FMNL2: variants seen among roughly 807,000 people sequenced by gnomAD.
FMNL2 encodes the protein formin-like protein 2.
In FMNL2, 51 loss-of-function variants were observed where a neutral mutation model predicts 130.2. The ratio of observed to expected loss-of-function variants is 0.39; its 90% CI spans 0.31 to 0.49. FMNL2 has a LOEUF of 0.49. Among genes scored for constraint, FMNL2 ranks in the 20% least tolerant of loss-of-function variants. FMNL2 has a pLI of 0.85. For synonymous variants in FMNL2, 465 were observed against 467.1 expected (o/e 1.00, Z 0.06); for missense variants, 977 against 1,316.2 (o/e 0.74, Z 3.99).
At chr2:152,626,378 A>G in intron 16 of FMNL2, 147 bp from the exon 17 acceptor site, 1 of 682,620 alleles carries the variant, frequency 1.5e-6, no homozygotes, top group Non-Finnish European at 2.5e-6. Flanking sequence ...GTACTATAAC[A>G]AAAACAAGAA....
intron 1 of FMNL2, among the ~76,000 whole-genome samples, chr2:152,480,695 A>C (rs544021912): frequency 4.2e-4 from 64 of 151,834 alleles, no homozygotes; most frequent in Non-Finnish European, 6.3e-4. Flanking sequence ...CAAACAAAAC[A>C]AAAAAAACTT....
chr2:152,572,794 G>GTT (rs539896493), intron 6 of FMNL2, among the ~76,000 whole-genome samples: 3,655 of 138,088 alleles, frequency 0.026, 312 homozygotes, highest in Admixed American at 0.18. Flanking sequence ...TTCAAAACCT[G>GTT]TTTTTTTTTT....
At chr2:152,416,680 C>T (rs1054051283) in intron 1 of FMNL2, among the ~76,000 whole-genome samples, 3 of 152,196 alleles carry the variant, frequency 2.0e-5, no homozygotes, top group African/African-American at 7.2e-5. Flanking sequence ...AGGCCAGTGG[C>T]ACTTCTGTGA....
At chr2:152,410,767 A>G (rs1039588467) in intron 1 of FMNL2, among the ~76,000 whole-genome samples, 1 of 152,194 alleles carries the variant, frequency 6.6e-6, no homozygotes, top group Non-Finnish European at 1.5e-5. Flanking sequence ...TCTGGGTAAA[A>G]AAGTGAATCC....
At chr2:152,444,446 A>G (rs1688230651) in intron 1 of FMNL2, among the ~76,000 whole-genome samples, 1 of 152,246 alleles carries the variant, frequency 6.6e-6, no homozygotes, top group African/African-American at 2.4e-5. Context: ...TAGGTGCCAC[A>G]TAGCCTTAAT....
In FMNL2 at chr2:152,338,834, C is replaced by CACACACACACACACACACAT. The variant is rs1553862425; in HGVS notation, c.117+3116_117+3135dup. On this transcript the variant is annotated intron_variant, in intron 1 of 25. Transcript: ENST00000288670. ...GGAAGGTGAGATACACACACACACA[C>CACACACACACACACACACAT]ACACACACACACACACACATATATG... Among the ~76,000 whole-genome samples, 1,171 of 150,286 alleles carry CACACACACACACACACACAT rather than the reference C, an allele frequency of 7.8e-3. 12 individuals are homozygous for CACACACACACACACACACAT. Among genetic ancestry groups the CACACACACACACACACACAT allele is most frequent in the African/African-American group, 0.026 (1,046 of 40,630 alleles).
At chr2:152,580,113 C>T (rs1237590166) in intron 8 of FMNL2, among the ~76,000 whole-genome samples, 1 of 152,190 alleles carries the variant, frequency 6.6e-6, no homozygotes, top group African/African-American at 2.4e-5. Context: ...GCTTCTGTGT[C>T]TCTGCCTTCT....
At chr2:152,570,787 G>T (rs1007547670) in intron 6 of FMNL2, among the ~76,000 whole-genome samples, 4 of 152,102 alleles carry the variant, frequency 2.6e-5, no homozygotes, top group African/African-American at 9.7e-5. Flanking sequence ...TGAATAGGTT[G>T]GAAAAGTTAC....
chr2:152,594,992 G>C (rs1456242626), intron 9 of FMNL2, among the ~76,000 whole-genome samples: 2 of 152,080 alleles, frequency 1.3e-5, no homozygotes, highest in East Asian at 3.9e-4. Context: ...CAAACTCTGC[G>C]TCACAGGGGA....
At chr2:152,436,936 G>C (rs1687802554) in intron 1 of FMNL2, among the ~76,000 whole-genome samples, 1 of 152,174 alleles carries the variant, frequency 6.6e-6, no homozygotes, top group African/African-American at 2.4e-5. Context: ...AAATACCATA[G>C]ACTTGGTGGC....
At position 152,409,822 on chromosome 2, in the gene FMNL2, T is replaced by C. The variant is rs115102658; in HGVS notation, c.117+74102T>C. ...AGTAGATAATTTTCCCAGGGTCATATTGCTTAGGGGCAAAGCTGGGATTTG... is the reference window on the plus strand; with the variant it reads ...AGTAGATAATTTTCCCAGGGTCATACTGCTTAGGGGCAAAGCTGGGATTTG... On this transcript the variant is annotated intron_variant, in intron 1 of 25. Coordinates refer to ENST00000288670, the MANE Select transcript of FMNL2 (RefSeq NM_052905.4). 3.2e-3 allele frequency among the ~76,000 whole-genome samples: 480 copies of C among 152,340 alleles called. 3 individuals are homozygous for C. Among genetic ancestry groups the C allele is most frequent in the African/African-American group, 0.011 (464 of 41,580 alleles).
intron 1 of FMNL2, among the ~76,000 whole-genome samples, chr2:152,361,358 G>A (rs1221354653): frequency 6.6e-6 from 1 of 152,240 alleles, no homozygotes; most frequent in Non-Finnish European, 1.5e-5. Context: ...ACACAGGGCA[G>A]CCTTTTGGGG....
chr2:152,539,925 CCTTGTCTTTAG>C (rs1694209635), intron 2 of FMNL2, among the ~76,000 whole-genome samples: 1 of 152,018 alleles, frequency 6.6e-6, no homozygotes, highest in Non-Finnish European at 1.5e-5. Flanking sequence ...CATGGTGAGA[CCTTGTCTTTAG>C]AAAATTAGCT....
intron 2 of FMNL2, among the ~76,000 whole-genome samples, chr2:152,523,445 T>A (rs1693215216): frequency 6.6e-6 from 1 of 152,168 alleles, no homozygotes; most frequent in Non-Finnish European, 1.5e-5. Context: ...CCTGCCTGCA[T>A]TTTCCCTCCA....
intron 1 of FMNL2, among the ~76,000 whole-genome samples, chr2:152,478,242 A>AT (rs1322079596): frequency 4.1e-3 from 139 of 33,638 alleles, no homozygotes; most frequent in African/African-American, 9.4e-3. Context: ...ATATATATAT[A>AT]TATATATATT....
intron 9 of FMNL2, among the ~76,000 whole-genome samples, chr2:152,597,401 G>A (rs115158478): frequency 2.0e-5 from 3 of 152,050 alleles, no homozygotes; most frequent in Non-Finnish European, 2.9e-5. Context: ...TTCAATATGC[G>A]GCAGAAATGC....
intron 2 of FMNL2, among the ~76,000 whole-genome samples, chr2:152,539,925 C>A (rs2105481913): frequency 6.6e-6 from 1 of 152,136 alleles, no homozygotes; most frequent in Admixed American, 6.6e-5. Flanking sequence ...CATGGTGAGA[C>A]CTTGTCTTTA....
chr2:152,403,832 T>TGCCAAGGTGGGTAGATCATGAG (rs1685838006), intron 1 of FMNL2, among the ~76,000 whole-genome samples: 1 of 152,156 alleles, frequency 6.6e-6, no homozygotes, highest in Non-Finnish European at 1.5e-5. Context: ...CACTTTGGGA[T>TGCCAAGGTGGGTAGATCATGAG]GCCAAGGTGG....
intron 1 of FMNL2, among the ~76,000 whole-genome samples, chr2:152,402,421 A>T (rs1685756911): frequency 1.3e-5 from 2 of 152,166 alleles, no homozygotes; most frequent in African/African-American, 4.8e-5. Context: ...AGAAAGTGCC[A>T]ATTGGATCTC....
Sources: gnomAD v4.1 joint callset for allele counts (sites outside exome capture counted in the v4.1 genomes callset) on GRCh38, gnomAD v4.1.1 for gene constraint, MANE v1.5 for transcripts, NCBI Gene and HGNC (gene_info 2026-07-23, HGNC 2026-07-21) for gene names.